The following NEK11 variants were observed in gnomAD, a reference collection of about 807,000 sequenced individuals.
NEK11 encodes NIMA related kinase 11.
NEK11 carries 72 observed loss-of-function variants against 80.7 expected under a neutral mutation model. The observed-to-expected ratio is 0.89, with a 90% CI of 0.74 to 1.08. The LOEUF (loss-of-function observed/expected upper bound fraction) is 1.08. Ranked by LOEUF, NEK11 falls within the 50% of genes least tolerant of loss-of-function variation. NEK11 has a pLI of 0.00. For missense variants in NEK11, 764 were observed against 763.6 expected (o/e 1.00, Z -0.01); for synonymous variants, 251 against 260.7 (o/e 0.96, Z 0.36).
At chr3:131,228,002 A>C (rs1287835907) in intron 14 of NEK11, among the ~76,000 whole-genome samples, 1 of 152,148 alleles carries the variant, frequency 6.6e-6, no homozygotes, top group African/African-American at 2.4e-5. Flanking sequence ...TTAGAAAAGA[A>C]TTGTGTTTTT....
intron 5 of NEK11, among the ~76,000 whole-genome samples, chr3:131,131,028 C>T (rs977526977): frequency 2.6e-5 from 4 of 152,204 alleles, no homozygotes; most frequent in African/African-American, 9.7e-5. Flanking sequence ...TGTCGAACTC[C>T]TGACCCCAGG....
intron 3 of NEK11, among the ~76,000 whole-genome samples, chr3:131,064,304 C>T (rs377024942): frequency 2.0e-5 from 3 of 152,146 alleles, no homozygotes; most frequent in South Asian, 2.1e-4. Flanking sequence ...TTCTGGAGGC[C>T]GAAAGTCCAA....
chr3:131,257,569 C>T (rs1385039098), intron 16 of NEK11, among the ~76,000 whole-genome samples: 1 of 152,152 alleles, frequency 6.6e-6, no homozygotes, highest in African/African-American at 2.4e-5. Context: ...GGAAACATCT[C>T]CTCTTTTGGC....
chr3:131,146,974 A>C lies in NEK11; in HGVS notation c.648-5414A>C, dbSNP rs146602720. 3.0e-3 allele frequency among the ~76,000 whole-genome samples: 462 copies of C among 152,196 alleles called. 1 individual carries two copies. The highest frequency in any genetic ancestry group is 0.011 in the African/African-American group (441 of 41,538). ...ATTTGAATTGCAAATATCTTACACT[A>C]TGTGTCTTCCTTTTCACTCTCCTAA... is the stretch of plus-strand genomic sequence containing the variant. On this transcript the variant is annotated intron_variant, in intron 7 of 17. Coordinates refer to ENST00000383366, the MANE Select transcript of NEK11 (RefSeq NM_024800.5).
chr3:131,192,783 G>A (rs999515756), intron 14 of NEK11, among the ~76,000 whole-genome samples: 39 of 152,156 alleles, frequency 2.6e-4, no homozygotes, highest in African/African-American at 9.4e-4. Context: ...GGTCTTGGGG[G>A]AAGGAAGTAA....
chr3:131,338,246 T>G (rs1191214099), intron 17 of NEK11, among the ~76,000 whole-genome samples: 1 of 148,478 alleles, frequency 6.7e-6, no homozygotes, highest in East Asian at 2.0e-4. Context: ...ATTACAGGCA[T>G]GAGCCACGGC....
At chr3:131,093,652 C>T (rs1471825447) in intron 4 of NEK11, among the ~76,000 whole-genome samples, 3 of 151,940 alleles carry the variant, frequency 2.0e-5, no homozygotes, top group Admixed American at 6.6e-5. Flanking sequence ...CCTGACCACC[C>T]GCCTCTGCCT....
chr3:131,279,321 C>T (rs2096357215), intron 17 of NEK11, among the ~76,000 whole-genome samples: 2 of 152,134 alleles, frequency 1.3e-5, no homozygotes, highest in African/African-American at 4.8e-5. Context: ...GCACTCCAGA[C>T]TTGGCAACAA....
At chr3:131,049,812 A>G (rs2068050177) in intron 3 of NEK11, among the ~76,000 whole-genome samples, 1 of 152,128 alleles carries the variant, frequency 6.6e-6, no homozygotes, top group Admixed American at 6.5e-5. Context: ...TCTTCTGAGG[A>G]TTTTTTTGTT....
chr3:131,332,781 T>C (rs956188873), intron 17 of NEK11, among the ~76,000 whole-genome samples: 5 of 152,176 alleles, frequency 3.3e-5, no homozygotes, highest in Admixed American at 1.3e-4. Flanking sequence ...AAGGAGCTGA[T>C]GGAGCTGAAA....
At chr3:131,090,957 T>C (rs1032392509) in intron 4 of NEK11, among the ~76,000 whole-genome samples, 2 of 152,178 alleles carry the variant, frequency 1.3e-5, no homozygotes, top group Non-Finnish European at 2.9e-5. Context: ...AGAGATGGGA[T>C]CTTGCTATGT....
At chr3:131,342,280 TC>T (rs904346611) in intron 17 of NEK11, among the ~76,000 whole-genome samples, 1 of 152,204 alleles carries the variant, frequency 6.6e-6, no homozygotes, top group Non-Finnish European at 1.5e-5. Context: ...GTAAAATGTA[TC>T]CTTAATGAAG....
chr3:131,172,154 C>T (rs1042117614), intron 14 of NEK11, among the ~76,000 whole-genome samples: 29 of 152,306 alleles, frequency 1.9e-4, no homozygotes, highest in African/African-American at 6.0e-4. Context: ...TGTATTCCTT[C>T]TGTGCTCCAG....
At chr3:131,043,566 A>G (rs574315935) in intron 3 of NEK11, among the ~76,000 whole-genome samples, 1 of 152,356 alleles carries the variant, frequency 6.6e-6, no homozygotes, top group African/African-American at 2.4e-5. Flanking sequence ...ATTAGAGAAA[A>G]AAGAATGAAA....
chr3:131,229,770 G>T (rs1412801405), intron 15 of NEK11, among the ~76,000 whole-genome samples: 1 of 151,968 alleles, frequency 6.6e-6, no homozygotes, highest in East Asian at 1.9e-4. Flanking sequence ...AGCAAAAAAA[G>T]GGATGAGATA....
intron 9 of NEK11, 57 bp downstream of exon 9, chr3:131,152,766 C>CATGACTTGAAGTCATGGA: frequency 8.2e-7 from 1 of 1,215,948 alleles, no homozygotes. Context: ...ATACACATTC[C>CATGACTTGAAGTCATGGA]ATGACTTGAA....
At position 131,349,564 on chromosome 3, in the gene NEK11, A is replaced by C; in HGVS notation, c.1726A>C (p.Met576Leu). ...TTGTAACTTTTTTGACAGATCAGCCATGCAGAAGCTGGGGACAGAAGTATT... is the reference window on the plus strand; with the variant it reads ...TTGTAACTTTTTTGACAGATCAGCCCTGCAGAAGCTGGGGACAGAAGTATT... ...TKMKRMRESA[M>L]QKLGTEVFEE... Residue 576 changes from methionine (M) to leucine (L), a missense_variant, in exon 18 of 18, where the codon ATG (methionine) becomes CTG (leucine). Physicochemically the swap from Met to Leu is conservative, Grantham distance 15 (BLOSUM62 2). Coordinates refer to ENST00000383366, the MANE Select transcript of NEK11 (RefSeq NM_024800.5). 6.2e-7 allele frequency: 1 copy of C among 1,613,768 alleles called. No individual in the cohort carries two copies. The highest frequency in any genetic ancestry group is 8.5e-7 in the Non-Finnish European group (1 of 1,179,748).
chr3:131,190,984 G>A (rs1423792062), intron 14 of NEK11, among the ~76,000 whole-genome samples: 2 of 152,044 alleles, frequency 1.3e-5, no homozygotes, highest in South Asian at 2.1e-4. Flanking sequence ...GAAACACATA[G>A]CCAATAAAAG....
chr3:131,268,446 G>A (rs991608073), intron 16 of NEK11, among the ~76,000 whole-genome samples: 10 of 152,158 alleles, frequency 6.6e-5, no homozygotes, highest in Non-Finnish European at 1.3e-4. Flanking sequence ...CTTCAGATGG[G>A]GTTTCTGAGT....
Sources: allele counts gnomAD v4.1 joint callset (sites outside exome capture counted in the v4.1 genomes callset), GRCh38; gene constraint gnomAD v4.1.1; transcripts MANE v1.5; gene names NCBI Gene and HGNC (gene_info 2026-07-23, HGNC 2026-07-21).